The following SF3B3 variants were observed in gnomAD, a reference collection of about 807,000 sequenced individuals.
SF3B3 encodes the protein SAP 130.
SF3B3 carries 33 observed loss-of-function variants against 139.2 expected under a neutral mutation model. That is an observed-to-expected ratio of 0.24 (90% confidence interval 0.18 to 0.32). The LOEUF (loss-of-function observed/expected upper bound fraction) is 0.32. Among genes scored for constraint, SF3B3 ranks in the 10% least tolerant of loss-of-function variants. SF3B3 has a pLI of 1.00. For missense variants in SF3B3, 818 were observed against 1,509.4 expected, an observed-to-expected ratio of 0.54 and a Z score of 7.59; for synonymous variants, 596 against 563.6, an observed-to-expected ratio of 1.06 and a Z score of -0.81.
In SF3B3 at chr16:70,571,130, G is replaced by A. The variant is rs2050525029; in HGVS notation, c.3444G>A (p.Leu1148=). ...TCTTCCAGCATGTGGAAATGCACCTGCGGTCTGAACATCCCCCTCTCTGTG... is the reference window on the plus strand; with the variant it reads ...TCTTCCAGCATGTGGAAATGCACCTACGGTCTGAACATCCCCCTCTCTGTG... ...HDFFQHVEMH[L]RSEHPPLCGR... is the part of the protein sequence containing the mutation. Residue 1148 remains leucine (L), a synonymous_variant, in exon 25 of 26, where the codon CTG becomes CTA. Transcript: ENST00000302516. 1.9e-6 allele frequency: 3 copies of A among 1,613,922 alleles called. No homozygotes were observed. Among genetic ancestry groups the A allele is most frequent in the Non-Finnish European group, 2.5e-6 (3 of 1,179,978 alleles).
intron 4 of SF3B3, among the ~76,000 whole-genome samples, chr16:70,531,372 C>G (rs978609171): frequency 6.6e-6 from 1 of 152,132 alleles, no homozygotes; most frequent in Non-Finnish European, 1.5e-5. Context: ...GGCACAATCT[C>G]AGCTCGCTGC....
chr16:70,548,510 C>G, intron 11 of SF3B3, 68 bp downstream of exon 11: 1 of 1,334,892 alleles, frequency 7.5e-7, no homozygotes, highest in East Asian at 2.3e-5. Context: ...GCTTGAAAGG[C>G]TGCGTTCATA....
chr16:70,531,400 C>G (rs1027218043), intron 4 of SF3B3, among the ~76,000 whole-genome samples: 1 of 152,150 alleles, frequency 6.6e-6, no homozygotes, highest in Non-Finnish European at 1.5e-5. Flanking sequence ...GCCTCAGCCT[C>G]CTGAGTAGCT....
chr16:70,536,632 T>G (rs1385855335), intron 6 of SF3B3, among the ~76,000 whole-genome samples: 1 of 151,902 alleles, frequency 6.6e-6, no homozygotes, highest in Non-Finnish European at 1.5e-5. Context: ...GTGCTGGGAT[T>G]ACAGGCGTGA....
At chr16:70,539,337 A>T in intron 8 of SF3B3, 130 bp downstream of exon 8, 1 of 683,400 alleles carries the variant, frequency 1.5e-6, no homozygotes. Context: ...CACCTGAGGT[A>T]AGGAGTTGGA....
intron 15 of SF3B3, among the ~76,000 whole-genome samples, chr16:70,560,092 ATTCCTT>A (rs2050415339): frequency 6.6e-6 from 1 of 152,178 alleles, no homozygotes; most frequent in African/African-American, 2.4e-5. Context: ...CAAACTAGTC[ATTCCTT>A]TTAGGAACCT....
At chr16:70,544,665 C>A in intron 10 of SF3B3, 132 bp downstream of exon 10, 1 of 622,538 alleles carries the variant, frequency 1.6e-6, no homozygotes, top group Non-Finnish European at 2.9e-6. Context: ...TTCTCCCTGA[C>A]TTCCCCGAAG....
intron 6 of SF3B3, among the ~76,000 whole-genome samples, chr16:70,536,483 GCCTCTCGGGTAGCTGGGACTACAGGCGC>G (rs1345975400): frequency 6.6e-6 from 1 of 151,948 alleles, no homozygotes; most frequent in East Asian, 1.9e-4. Flanking sequence ...TCCTGCCTCA[GCCTCTCGGGTAGCTGGGACTACAGGCGC>G]CCACCACCAC....
At chr16:70,566,288 C>T (rs1597723713) in intron 20 of SF3B3, among the ~76,000 whole-genome samples, 1 of 151,892 alleles carries the variant, frequency 6.6e-6, no homozygotes, top group Admixed American at 6.6e-5. Context: ...ACTGGCTGGG[C>T]ATGGTGTCTC....
chr16:70,571,132 G>A lies in SF3B3; in HGVS notation c.3446G>A (p.Arg1149Gln), dbSNP rs2050525105. ...TTCCAGCATGTGGAAATGCACCTGC[G>A]GTCTGAACATCCCCCTCTCTGTGGG... The part of the protein sequence containing the change: ...DFFQHVEMHL[R>Q]SEHPPLCGRD... Residue 1149 changes from arginine (R) to glutamine (Q), a missense_variant, in exon 25 of 26, where the codon CGG becomes CAG. By Grantham distance (43) the Arg-to-Gln change is conservative. Coordinates refer to ENST00000302516, the MANE Select transcript of SF3B3 (RefSeq NM_012426.5). The A allele has an allele frequency of 3.1e-6, 5 of 1,613,844 alleles. No homozygotes were observed. The highest frequency in any genetic ancestry group is 3.4e-6 in the Non-Finnish European group (4 of 1,179,950).
At chr16:70,543,446 A>G (rs1597713057) in intron 9 of SF3B3, among the ~76,000 whole-genome samples, 1 of 133,642 alleles carries the variant, frequency 7.5e-6, no homozygotes, top group Non-Finnish European at 1.6e-5. Context: ...GATGGCTTAC[A>G]CCTGTAATCC....
intron 1 of SF3B3, among the ~76,000 whole-genome samples, chr16:70,525,854 G>C (rs1424803559): frequency 1.3e-5 from 2 of 151,032 alleles, no homozygotes; most frequent in Non-Finnish European, 2.9e-5. Flanking sequence ...CCAGCTACTC[G>C]GGAGCCTGAG....
chr16:70,541,013 A>C (rs2050214668), intron 8 of SF3B3, among the ~76,000 whole-genome samples: 1 of 152,162 alleles, frequency 6.6e-6, no homozygotes. Context: ...CTTTTTGAGA[A>C]ACCACCAAAC....
chr16:70,526,162 T>C (rs1478242033), intron 1 of SF3B3, among the ~76,000 whole-genome samples: 1 of 152,032 alleles, frequency 6.6e-6, no homozygotes, highest in African/African-American at 2.4e-5. Flanking sequence ...TGTATGTTAA[T>C]TCTATACTAA....
chr16:70,545,431 G>A (rs1051745256), intron 10 of SF3B3, among the ~76,000 whole-genome samples: 6 of 152,282 alleles, frequency 3.9e-5, no homozygotes, highest in African/African-American at 1.4e-4. Flanking sequence ...AATTTATTTA[G>A]TGAATCTTTT....
At chr16:70,538,285 C>A in intron 6 of SF3B3, 38 bp from the exon 7 acceptor site, 1 of 1,590,932 alleles carries the variant, frequency 6.3e-7, no homozygotes. Flanking sequence ...AAGAAGTACC[C>A]ATTTCTAAGA....
intron 4 of SF3B3, 112 bp from the exon 5 acceptor site, chr16:70,532,367 A>AAAAAAAAAAAT: frequency 3.6e-6 from 3 of 839,006 alleles, no homozygotes; most frequent in Non-Finnish European, 5.5e-6. Context: ...CAAAAAAAAA[A>AAAAAAAAAAAT]GAAGACATTT....
chr16:70,532,660 G>A, intron 5 of SF3B3, 40 bp downstream of exon 5: 1 of 1,604,250 alleles, frequency 6.2e-7, no homozygotes, highest in South Asian at 1.1e-5. Flanking sequence ...CTTTTACTTG[G>A]TTCATTTTAT....
At chr16:70,539,881 A>G (rs894178092) in intron 8 of SF3B3, among the ~76,000 whole-genome samples, 1 of 150,734 alleles carries the variant, frequency 6.6e-6, no homozygotes, top group African/African-American at 2.4e-5. Flanking sequence ...GGTTCAAGCA[A>G]TTCTCCTGCC....
Sources: gnomAD v4.1 joint callset for allele counts (sites outside exome capture counted in the v4.1 genomes callset) on GRCh38, gnomAD v4.1.1 for gene constraint, MANE v1.5 for transcripts, NCBI Gene and HGNC (gene_info 2026-07-23, HGNC 2026-07-21) for gene names.